The following DBN1 variants were observed in gnomAD, a reference collection of about 807,000 sequenced individuals.
DBN1 encodes drebrin.
In DBN1, 21 loss-of-function variants were observed where a neutral mutation model predicts 83.5. That is an observed-to-expected ratio of 0.25 (90% confidence interval 0.18 to 0.36). The LOEUF is 0.36. Among genes scored for constraint, DBN1 ranks in the 10% least tolerant of loss-of-function variants. DBN1 has a pLI of 1.00. For synonymous variants in DBN1, 381 were observed against 384.9 expected (o/e 0.99, Z 0.12); for missense variants, 874 against 935.7 (o/e 0.93, Z 0.86).
chr5:177,472,974 C>CGGGCCGGGCT, intron 1 of DBN1: 1 of 405,962 alleles, frequency 2.5e-6, no homozygotes, highest in Non-Finnish European at 3.3e-6. Flanking sequence ...GTGCTGTGGC[C>CGGGCCGGGCT]GGGCCGGGCT....
intron 12 of DBN1, 136 bp downstream of exon 12, chr5:177,458,962 C>A: frequency 1.4e-6 from 2 of 1,441,036 alleles, no homozygotes; most frequent in South Asian, 2.9e-5. Context: ...CTCCTCCCCA[C>A]ACAGCCGCCT....
rs756329723 is a variant in DBN1 at position 177,467,891 on chromosome 5, G to A, written c.256-74C>T. The A allele has an allele frequency of 7.4e-5, 114 of 1,547,152 alleles. 2 individuals carry two copies. The highest frequency in any genetic ancestry group is 1.2e-4 in the East Asian group (5 of 43,426). On this transcript the variant is annotated intron_variant, in intron 3 of 14. Transcript: ENST00000393565. The surrounding 1 kb of genome is among the most constrained non-coding windows in gnomAD (Gnocchi z 9.1). ...CTACACGATAGGGTGCATCTTCCCC[G>A]GGGTGGGAAGAGGGTGGGCTTCCCT...
In DBN1 at chr5:177,461,249, C is replaced by G. The variant is rs374665671; in HGVS notation, c.772-546G>C. The stretch of plus-strand genomic sequence containing the variant: ...AAGTAGCTGGGACTACAGGCGCCCG[C>G]CACTACGCCCGGCTAATTTTTTGTA... On this transcript the variant is annotated intron_variant, in intron 8 of 14. Coordinates refer to ENST00000393565, the MANE Select transcript of DBN1 (RefSeq NM_001363541.2). Among the ~76,000 whole-genome samples, 1,008 of 151,598 alleles carry G rather than the reference C, an allele frequency of 6.6e-3. 15 individuals carry two copies. Among genetic ancestry groups the G allele is most frequent in the African/African-American group, 0.023 (967 of 41,304 alleles).
At position 177,467,870 on chromosome 5, in the gene DBN1, A is replaced by G; in HGVS notation, c.256-53T>C. The G allele has an allele frequency of 1.3e-6, 2 of 1,569,434 alleles. No homozygotes were observed. The highest frequency in any genetic ancestry group is 2.3e-5 in the South Asian group (2 of 88,632). On this transcript the variant is annotated intron_variant, in intron 3 of 14. Transcript: ENST00000393565. This position sits in a 1 kb window ranked among gnomAD's most constrained non-coding sequence, Gnocchi z 9.1. ...CAGGAAAGGACAAGGGGGGCCCTAC[A>G]CGATAGGGTGCATCTTCCCCGGGGT...
rs1756745528 is a variant in DBN1 at position 177,458,545 on chromosome 5, G to A, written c.1427C>T (p.Ala476Val). 1.2e-6 allele frequency: 2 copies of A among 1,614,166 alleles called. No homozygotes were observed. The highest frequency in any genetic ancestry group is 1.7e-6 in the Non-Finnish European group (2 of 1,180,006). ...DLMFMESAEQ[A>V]VLAAPVEPAT... ...AGGCTCCACGGGAGCAGCCAGGACA[G>A]CCTGCTCTGCAGACTCCATGAACAT... The change falls in exon 13 of 15, where the codon GCT (alanine) becomes GTT (valine). Residue 476 changes from alanine to valine, a missense_variant. Ala to Val is a moderately conservative substitution (Grantham distance 64, BLOSUM62 0). Around this residue, in one of 4 missense-constraint regions of DBN1, gnomAD observed 725 missense variants for 719.7 expected, o/e 1.01. Coordinates refer to ENST00000393565, the MANE Select transcript of DBN1 (RefSeq NM_001363541.2).
chr5:177,472,105 CT>C lies in DBN1; in HGVS notation c.86+1330del, dbSNP rs770342914. 3 of 1,605,184 alleles carry C rather than the reference CT, an allele frequency of 1.9e-6. No homozygotes were observed. The African/African-American group carries it at 4.0e-5, about 22-fold the overall frequency. ...CTGCCTGCTGAGCCTGTGCCGGCCTCTCCTGTGACTGACCTGCAGGACACGA... is the reference window on the plus strand; with the variant it reads ...CTGCCTGCTGAGCCTGTGCCGGCCTCCCTGTGACTGACCTGCAGGACACGA... On this transcript the variant is annotated intron_variant, in intron 1 of 14. Transcript: ENST00000393565.
chr5:177,458,846 G>T, intron 12 of DBN1, 139 bp from the exon 13 acceptor site: 1 of 1,107,164 alleles, frequency 9.0e-7, no homozygotes, highest in Non-Finnish European at 1.2e-6. Context: ...TGACCCCAGT[G>T]ACTTTAAGCC....
chr5:177,473,184 C>T (rs1757976209), intron 1 of DBN1: 1 of 152,858 alleles, frequency 6.5e-6, no homozygotes, highest in African/African-American at 2.4e-5. Flanking sequence ...CGCCTCCGGG[C>T]CGCGTCCGGC....
In DBN1 at chr5:177,457,666, T is replaced by A. The variant is rs1282626894; in HGVS notation, c.2006A>T (p.Asn669Ile). The stretch of plus-strand genomic sequence containing the variant: ...CAGCCCAGTACTACCTGGAGGCTTG[T>A]TGTAGAACACAGGAGGCGGAGCCTT... ...CAKAPPPVFY[N>I]KPPEIDITCW... Residue 669 changes from asparagine (N) to isoleucine (I), a missense_variant, in exon 14 of 15, where the codon AAC becomes ATC. Transcript: ENST00000393565. 6.2e-7 allele frequency: 1 copy of A among 1,601,048 alleles called. No homozygotes were observed. The highest frequency in any genetic ancestry group is 2.2e-5 in the East Asian group (1 of 44,642).
chr5:177,472,199 A>T, intron 1 of DBN1: 2 of 1,613,682 alleles, frequency 1.2e-6, no homozygotes, highest in Non-Finnish European at 1.7e-6. Flanking sequence ...CATGCCATGG[A>T]TGCCCAGCCA....
chr5:177,466,454 G>T lies in DBN1; in HGVS notation c.771+318C>A, dbSNP rs1757444893. 1.3e-5 allele frequency among the ~76,000 whole-genome samples: 2 copies of T among 152,234 alleles called. No homozygotes were observed. The highest frequency in any genetic ancestry group is 6.5e-5 in the Admixed American group (1 of 15,292). On this transcript the variant is annotated intron_variant, in intron 8 of 14. Coordinates refer to ENST00000393565, the MANE Select transcript of DBN1 (RefSeq NM_001363541.2). The surrounding 1 kb of genome is among the most constrained non-coding windows in gnomAD (Gnocchi z 4.8). ...CCTCACTCCTGTGGCCCCTCAGAGT[G>T]CAGAACAGTGTCTAATCGCCGAGAA...
intron 2 of DBN1, 102 bp from the exon 3 acceptor site, chr5:177,468,322 C>T (rs1757613617): frequency 2.0e-6 from 2 of 993,288 alleles, no homozygotes; most frequent in Non-Finnish European, 3.1e-6. Context: ...CCACAGGCAC[C>T]CCCAGGGGTC....
intron 1 of DBN1, chr5:177,472,821 G>A: frequency 1.0e-6 from 1 of 986,306 alleles, no homozygotes; most frequent in South Asian, 4.6e-5. Context: ...TCACTTCGCG[G>A]TCGCCATGTG....
At position 177,459,540 on chromosome 5, in the gene DBN1, G is replaced by A. The variant is rs1756849371; in HGVS notation, c.1093+63C>T. On this transcript the variant is annotated intron_variant, in intron 11 of 14. Transcript: ENST00000393565. ...CGGTCAGACTGGGGGAGTGAGGGCG[G>A]GGGGCTGCTGGGAAGCGGGGCCCTC... is the stretch of plus-strand genomic sequence containing the variant. 9.0e-6 allele frequency: 13 copies of A among 1,439,092 alleles called. No individual in the cohort carries two copies. In the South Asian group the frequency reaches 1.6e-4, roughly 17 times the overall value. The allele number at this position is 1,439,092 out of a possible 1,614,324, so 89.1% of individuals were successfully genotyped here.
chr5:177,468,234 G>T lies in DBN1; in HGVS notation c.143-14C>A, dbSNP rs375054422. ...GCAAGCCCCCTTCTAGGGTAATCAG[G>T]AGAGTGTCAGGTCTCTCTGCCTCCT... is the stretch of plus-strand genomic sequence containing the variant. On this transcript the variant is annotated splice_polypyrimidine_tract_variant and intron_variant, in intron 2 of 14. Transcript: ENST00000393565. The T allele has an allele frequency of 8.7e-6, 14 of 1,608,242 alleles. No homozygotes were observed. The African/African-American group carries it at 1.6e-4, about 18-fold the overall frequency.
At chr5:177,465,023 G>A (rs373271845) in intron 8 of DBN1, among the ~76,000 whole-genome samples, 26 of 152,266 alleles carry the variant, frequency 1.7e-4, no homozygotes, top group African/African-American at 4.6e-4. Flanking sequence ...ACGTGGTGGC[G>A]GGCACCTGTA....
rs753639027 is a variant in DBN1 at position 177,467,785 on chromosome 5, G to A, written c.288C>T (p.Cys96=). The change falls in exon 4 of 15, where the codon TGC becomes TGT. Residue 96 remains cysteine, a synonymous_variant. Transcript: ENST00000393565. The surrounding 1 kb of genome is among the most constrained non-coding windows in gnomAD (Gnocchi z 9.1). The stretch of plus-strand genomic sequence containing the variant: ...CCTTAGCCACGTGGCTGGCACAAGC[G>A]CACTTGCGGGCATCAGGCACATCTT... ...VGEDVPDARK[C]ACASHVAKVA... The A allele has an allele frequency of 4.2e-5, 65 of 1,556,934 alleles. No individual in the cohort carries two copies. The highest frequency in any genetic ancestry group is 2.1e-4 in the Admixed American group (11 of 51,582).
intron 2 of DBN1, chr5:177,468,625 G>T: frequency 2.3e-6 from 1 of 428,744 alleles, no homozygotes; most frequent in Non-Finnish European, 4.1e-6. Context: ...TTCCCTGTTG[G>T]AGGCTCAGCC....
intron 8 of DBN1, 146 bp from the exon 9 acceptor site, chr5:177,460,849 G>T: frequency 1.3e-6 from 1 of 769,730 alleles, no homozygotes; most frequent in Non-Finnish European, 2.1e-6. Context: ...GTACAATCAC[G>T]GCTCACTGCA....
Sources: allele counts gnomAD v4.1 joint callset (sites outside exome capture counted in the v4.1 genomes callset), GRCh38; gene constraint gnomAD v4.1.1; regional missense constraint gnomAD v4.1.1; non-coding constraint Gnocchi (gnomAD v3.1); transcripts MANE v1.5; gene names NCBI Gene and HGNC (gene_info 2026-07-23, HGNC 2026-07-21).